The following DNAH10 variants were observed in gnomAD, a reference collection of about 807,000 sequenced individuals.
DNAH10 encodes the protein axonemal beta dynein heavy chain 10.
A neutral mutation model predicts 506.6 loss-of-function variants in DNAH10; 348 were observed. The ratio of observed to expected loss-of-function variants is 0.69; its 90% CI spans 0.63 to 0.75. DNAH10 has a LOEUF of 0.75. DNAH10 is among the 30% of genes least tolerant of loss of function. The pLI, the probability that DNAH10 is intolerant of heterozygous loss-of-function variation, is 0.00. For missense variants in DNAH10, 5,179 were observed against 5,787.1 expected, an observed-to-expected ratio of 0.89 and a Z score of 3.41; for synonymous variants, 2,059 against 2,198.6, an observed-to-expected ratio of 0.94 and a Z score of 1.78.
At chr12:123,929,633 A>G in intron 71 of DNAH10, 31 bp from the exon 72 acceptor site, 1 of 1,600,528 alleles carries the variant, frequency 6.2e-7, no homozygotes. Flanking sequence ...GGTGGGTTTC[A>G]GTATAACTGA....
At chr12:123,827,015 C>T (rs961766617) in intron 25 of DNAH10, 117 bp downstream of exon 25, 13 of 908,582 alleles carry the variant, frequency 1.4e-5, no homozygotes, top group East Asian at 7.8e-5. Context: ...TCAACAATGC[C>T]GCAGGGCTAT....
intron 24 of DNAH10, among the ~76,000 whole-genome samples, chr12:123,821,860 G>A (rs1305089082): frequency 1.3e-5 from 2 of 152,050 alleles, no homozygotes; most frequent in African/African-American, 2.4e-5. Flanking sequence ...CTTGAGGCCA[G>A]GAGTTCGAGA....
At chr12:123,848,913 C>G in intron 34 of DNAH10, 31 bp downstream of exon 34, 1 of 1,608,986 alleles carries the variant, frequency 6.2e-7, no homozygotes, top group Non-Finnish European at 8.5e-7. Flanking sequence ...GGGACCATGT[C>G]CCTAGGATGG....
chr12:123,826,576 A>C (rs1211633347), intron 24 of DNAH10, 111 bp from the exon 25 acceptor site: 26 of 874,910 alleles, frequency 3.0e-5, no homozygotes, highest in Non-Finnish European at 3.4e-6. Flanking sequence ...TTGTAGATAG[A>C]TGGGTAATAC....
chr12:123,872,532 C>T lies in DNAH10; in HGVS notation c.7785+930C>T, dbSNP rs1169535839. Among the ~76,000 whole-genome samples, 9 of 152,292 alleles carry T rather than the reference C, an allele frequency of 5.9e-5. No individual in the cohort carries two copies. In the East Asian group the frequency reaches 1.4e-3, roughly 23 times the overall value. ...ACACATTCAGCTTCAACACGTTCAG[C>T]TCATGTGCACCTGCACTTTGGGTGC... On this transcript the variant is annotated intron_variant, in intron 45 of 78. Transcript: ENST00000673944.
chr12:123,817,417 C>G (rs1048208736), intron 21 of DNAH10, among the ~76,000 whole-genome samples: 1 of 151,834 alleles, frequency 6.6e-6, no homozygotes, highest in African/African-American at 2.4e-5. Flanking sequence ...ATACTTTGTC[C>G]TAAACTTTAA....
rs146604271 is a variant in DNAH10 at position 123,766,287 on chromosome 12, GCCTACCTA to G, written c.215-1299_215-1292del. On this transcript the variant is annotated intron_variant, in intron 1 of 78. Transcript: ENST00000673944. ...CAGGGCTGTTGAGATCAATTAATCA[GCCTACCTA>G]CCTACCTACCTACCTACCTGCTTGT... Among the ~76,000 whole-genome samples, 7 of 150,604 alleles carry G rather than the reference GCCTACCTA, an allele frequency of 4.6e-5. No homozygotes were observed. The East Asian group carries it at 9.9e-4, about 21-fold the overall frequency.
intron 21 of DNAH10, 116 bp from the exon 22 acceptor site, chr12:123,818,834 A>T: frequency 1.5e-6 from 1 of 687,830 alleles, no homozygotes. Context: ...GGTTTGAATT[A>T]CCTAGCCTCC....
intron 56 of DNAH10, among the ~76,000 whole-genome samples, chr12:123,900,006 A>G (rs1201937070): frequency 1.3e-5 from 2 of 152,048 alleles, no homozygotes; most frequent in African/African-American, 4.8e-5. Context: ...CCTCTATGTC[A>G]TCTTGCCTAC....
intron 5 of DNAH10, among the ~76,000 whole-genome samples, 189 bp downstream of exon 5, chr12:123,774,453 G>T (rs1323734718): frequency 6.6e-6 from 1 of 152,146 alleles, no homozygotes; most frequent in African/African-American, 2.4e-5. Flanking sequence ...CACACACACA[G>T]AAATATAAAG....
rs769347303 is a variant in DNAH10 at position 123,873,538 on chromosome 12, A to G, written c.7786-20A>G. 7.6e-6 allele frequency: 12 copies of G among 1,587,080 alleles called. No homozygotes were observed. The highest frequency in any genetic ancestry group is 1.0e-5 in the Non-Finnish European group (12 of 1,167,278). ...CCTGGGGAAAAAGCTGGCTTTTCAC[A>G]TCATCTCTTTCTGCTTCAGATTGTG... On this transcript the variant is annotated intron_variant, in intron 45 of 78. Transcript: ENST00000673944.
intron 48 of DNAH10, 60 bp from the exon 49 acceptor site, chr12:123,879,204 G>A (rs1181365402): frequency 1.5e-5 from 21 of 1,438,984 alleles, no homozygotes; most frequent in Middle Eastern, 2.0e-4. Context: ...TGTCACAGCC[G>A]TCAGCCCTGG....
rs528781609 is a variant in DNAH10, at chr12:123,900,552, C to T, written c.9640+1738C>T. ...CTACCTGTGCTTGTTTTTCTTTCCC[C>T]ATTGCCATCATCCTTGTCCAGGGTC... On this transcript the variant is annotated intron_variant, in intron 56 of 78. Transcript: ENST00000673944. Among the ~76,000 whole-genome samples, 181 of 152,328 alleles carry T rather than the reference C, an allele frequency of 1.2e-3. 2 individuals carry two copies. In the Middle Eastern group the frequency reaches 0.02, roughly 17 times the overall value.
At chr12:123,935,189 G>C in intron 78 of DNAH10, 146 bp from the exon 79 acceptor site, 1 of 926,290 alleles carries the variant, frequency 1.1e-6, no homozygotes, top group Admixed American at 2.7e-5. Context: ...GGCGGAGGGT[G>C]GCCCTGAGCA....
intron 36 of DNAH10, among the ~76,000 whole-genome samples, chr12:123,856,401 A>G (rs1951393899): frequency 6.6e-6 from 1 of 150,674 alleles, no homozygotes; most frequent in African/African-American, 2.4e-5. Flanking sequence ...CGATGGCGCA[A>G]TCTCAGTTCA....
rs892782029 is a variant in DNAH10, at chr12:123,907,029, C to G, written c.9816-2232C>G. Among the ~76,000 whole-genome samples, 1 of 152,246 alleles carries G rather than the reference C, an allele frequency of 6.6e-6. No individual in the cohort carries two copies. The highest frequency in any genetic ancestry group is 2.4e-5 in the African/African-American group (1 of 41,462). On this transcript the variant is annotated intron_variant, in intron 57 of 78. Transcript: ENST00000673944. This position sits in a 1 kb window ranked among gnomAD's most constrained non-coding sequence, Gnocchi z 4.4. ...GTCAGTGGGTGTCTGTCCCCCACCC[C>G]ACCCCTGCCCTGAGCAGGCACTGGG...
rs917164953 is a variant in DNAH10 at position 123,926,992 on chromosome 12, T to C, written c.12105+172T>C. On this transcript the variant is annotated intron_variant, in intron 69 of 78. Coordinates refer to ENST00000673944, the MANE Select transcript of DNAH10 (RefSeq NM_001372106.1). This position sits in a 1 kb window ranked among gnomAD's most constrained non-coding sequence, Gnocchi z 4.1. ...GGGAAGATGACAATAATAGTTATGA[T>C]TTCACAACCTCATGTTGTGATCATG... 7.1e-6 allele frequency: 5 copies of C among 700,446 alleles called. No individual in the cohort carries two copies. The highest frequency in any genetic ancestry group is 1.2e-5 in the Non-Finnish European group (5 of 428,554). 43.4% of individuals were successfully genotyped at this position (700,446 alleles called of 1,614,324 possible).
intron 52 of DNAH10, among the ~76,000 whole-genome samples, chr12:123,890,630 G>A (rs904472261): frequency 3.3e-5 from 5 of 152,148 alleles, no homozygotes; most frequent in Non-Finnish European, 5.9e-5. Context: ...CCGTGGGGAC[G>A]AGATTAGAGG....
chr12:123,828,039 TATC>T (rs1302454602), intron 25 of DNAH10, among the ~76,000 whole-genome samples: 3 of 152,154 alleles, frequency 2.0e-5, no homozygotes, highest in Non-Finnish European at 1.5e-5. Flanking sequence ...CAGATCTGAG[TATC>T]ATCTATGCTG....
Sources: allele counts gnomAD v4.1 joint callset (sites outside exome capture counted in the v4.1 genomes callset), GRCh38; gene constraint gnomAD v4.1.1; non-coding constraint Gnocchi (gnomAD v3.1); transcripts MANE v1.5; gene names NCBI Gene and HGNC (gene_info 2026-07-23, HGNC 2026-07-21).